LIMCH1: variants seen among roughly 807,000 people sequenced by gnomAD.
LIMCH1 encodes the protein LIM and calponin homology domains 1, also known as LIM and calponin homology domains-containing protein 1.
In LIMCH1, 113 loss-of-function variants were observed where a neutral mutation model predicts 176.5. The observed-to-expected ratio is 0.64, with a 90% CI of 0.55 to 0.75. The LOEUF is 0.75. LIMCH1 is among the 30% of genes least tolerant of loss of function. LIMCH1 has a pLI of 0.00. For missense variants in LIMCH1, 1,674 were observed against 1,814.9 expected, an observed-to-expected ratio of 0.92 and a Z score of 1.41; for synonymous variants, 619 against 645.9, an observed-to-expected ratio of 0.96 and a Z score of 0.63.
intron 1 of LIMCH1, among the ~76,000 whole-genome samples, chr4:41,564,313 G>T (rs372550792): frequency 1.3e-5 from 2 of 152,282 alleles, no homozygotes; most frequent in East Asian, 1.9e-4. Context: ...CGGCAGAAGA[G>T]AATTCACATT....
chr4:41,626,576 T>C, intron 7 of LIMCH1, 132 bp from the exon 8 acceptor site: 4 of 763,702 alleles, frequency 5.2e-6, no homozygotes, highest in Non-Finnish European at 8.2e-6. Flanking sequence ...ACTGAAATAA[T>C]GAACAGATGT....
chr4:41,612,709 A>G (rs922982871), intron 4 of LIMCH1: 15 of 699,284 alleles, frequency 2.1e-5, no homozygotes, highest in Non-Finnish European at 3.9e-5. Flanking sequence ...AAAGACAGCC[A>G]TTGTTCTCCC....
intron 21 of LIMCH1, among the ~76,000 whole-genome samples, chr4:41,670,380 G>A (rs151160125): frequency 1.5e-3 from 231 of 152,202 alleles, no homozygotes; most frequent in African/African-American, 5.4e-3. Flanking sequence ...TCTCCAAAAA[G>A]CAATACAAAT....
intron 1 of LIMCH1, among the ~76,000 whole-genome samples, chr4:41,411,448 A>G (rs755466444): frequency 6.6e-6 from 1 of 152,086 alleles, no homozygotes; most frequent in African/African-American, 2.4e-5. Context: ...GGCTCAAGCA[A>G]TCCTCCTGCC....
At chr4:41,533,429 T>C (rs1275934505), upstream of LIMCH1, among the ~76,000 whole-genome samples, 2 of 152,232 alleles carry the variant, frequency 1.3e-5, no homozygotes, top group African/African-American at 4.8e-5. Context: ...AGCCAGGGCA[T>C]AGATCTCTCA....
intron 18 of LIMCH1, among the ~76,000 whole-genome samples, chr4:41,653,615 A>G (rs1012961293): frequency 6.6e-5 from 10 of 152,260 alleles, no homozygotes; most frequent in African/African-American, 2.4e-4. Flanking sequence ...AGGGTGAGCT[A>G]GAACTGTTCA....
intron 19 of LIMCH1, among the ~76,000 whole-genome samples, chr4:41,662,151 G>A (rs1192322668): frequency 6.6e-6 from 1 of 151,836 alleles, no homozygotes; most frequent in Admixed American, 6.6e-5. Flanking sequence ...AACATAATTT[G>A]TCAATTACCA....
At chr4:41,528,379 T>C (rs2076910780) in intron 3 of LIMCH1, among the ~76,000 whole-genome samples, 1 of 152,178 alleles carries the variant, frequency 6.6e-6, no homozygotes, top group Non-Finnish European at 1.5e-5. Flanking sequence ...TTAAAATACA[T>C]TAATTCTCTT....
intron 3 of LIMCH1, among the ~76,000 whole-genome samples, chr4:41,605,666 G>A (rs115755576): frequency 6.8e-4 from 104 of 152,220 alleles, no homozygotes; most frequent in Middle Eastern, 6.8e-3. Context: ...TTTCCCTAAC[G>A]CTGGAGTCGT....
chr4:41,361,169 G>A (rs2051970553), intron 1 of LIMCH1, among the ~76,000 whole-genome samples: 1 of 152,346 alleles, frequency 6.6e-6, no homozygotes, highest in Non-Finnish European at 1.5e-5. Context: ...AGCTGCGCGC[G>A]TGAGGGCAGG....
intron 31 of LIMCH1, among the ~76,000 whole-genome samples, chr4:41,695,136 C>T (rs1729533357): frequency 6.6e-6 from 1 of 151,732 alleles, no homozygotes; most frequent in Non-Finnish European, 1.5e-5. Context: ...ATATTTGCCG[C>T]ATATTGTGGT....
At chr4:41,470,143 A>T (rs540316496) in intron 1 of LIMCH1, among the ~76,000 whole-genome samples, 3 of 152,344 alleles carry the variant, frequency 2.0e-5, no homozygotes, top group Non-Finnish European at 4.4e-5. Context: ...CCCATGTATC[A>T]GTTCACCATC....
intron 4 of LIMCH1, among the ~76,000 whole-genome samples, chr4:41,606,606 C>T (rs1461544207): frequency 6.6e-6 from 1 of 152,128 alleles, no homozygotes; most frequent in Non-Finnish European, 1.5e-5. Context: ...AAAAGACTGA[C>T]CTAAGGTAGG....
chr4:41,671,544 T>G lies in LIMCH1; in HGVS notation c.3398-10T>G. The G allele has an allele frequency of 2.5e-6, 4 of 1,603,564 alleles. No individual in the cohort carries two copies. The South Asian group carries it at 4.4e-5, about 18-fold the overall frequency. On this transcript the variant is annotated splice_polypyrimidine_tract_variant and intron_variant, in intron 21 of 31. Transcript: ENST00000503057. ...CATATCTTTTTTTTCTTTCTTTTTT[T>G]TCTGTGCAGTGGATTCTCCAAGCAG...
At chr4:41,448,995 A>G (rs2063561487) in intron 1 of LIMCH1, among the ~76,000 whole-genome samples, 1 of 152,116 alleles carries the variant, frequency 6.6e-6, no homozygotes, top group Admixed American at 6.5e-5. Context: ...ACATTATCAA[A>G]CACACACAGA....
chr4:41,532,468 A>G (rs1291750979), intron 3 of LIMCH1, among the ~76,000 whole-genome samples: 1 of 152,240 alleles, frequency 6.6e-6, no homozygotes, highest in Non-Finnish European at 1.5e-5. Flanking sequence ...ATTCAAAAGT[A>G]ACATTTATCT....
At chr4:41,620,351 CGGGGAGATGACATG>C in intron 6 of LIMCH1, 59 bp from the exon 7 acceptor site, 1 of 1,332,538 alleles carries the variant, frequency 7.5e-7, no homozygotes, top group South Asian at 1.4e-5. Flanking sequence ...ATCAGAATAG[CGGGGAGATGACATG>C]GGGTCTGCTC....
At chr4:41,473,488 C>T (rs1357852930) in intron 1 of LIMCH1, among the ~76,000 whole-genome samples, 1 of 152,218 alleles carries the variant, frequency 6.6e-6, no homozygotes, top group East Asian at 1.9e-4. Context: ...TTCTACTGAT[C>T]ACCTCCCTTG....
chr4:41,434,016 CTT>C (rs2061836133), intron 1 of LIMCH1, among the ~76,000 whole-genome samples: 1 of 152,172 alleles, frequency 6.6e-6, no homozygotes, highest in Admixed American at 6.5e-5. Context: ...ATGTGAGTAA[CTT>C]CATGCCAGCT....
Sources: allele counts gnomAD v4.1 joint callset (sites outside exome capture counted in the v4.1 genomes callset), GRCh38; gene constraint gnomAD v4.1.1; transcripts MANE v1.5; gene names NCBI Gene and HGNC (gene_info 2026-07-23, HGNC 2026-07-21).